The following ZNF519 variants were observed in gnomAD, a reference collection of about 807,000 sequenced individuals.
ZNF519 encodes similar to Zinc finger protein 85 (Zinc finger protein HPF4) (HTF1).
ZNF519 carries 7 observed loss-of-function variants against 7.4 expected under a neutral mutation model. The ratio of observed to expected loss-of-function variants is 0.94; its 90% CI spans 0.54 to 1.77. The LOEUF (loss-of-function observed/expected upper bound fraction) is 1.77, where lower values mean the gene tolerates loss of function less well. Among genes scored for constraint, ZNF519 ranks in the 40% most tolerant of loss-of-function variants. The probability of loss-of-function intolerance (pLI) is 0.00; values close to 1 mark genes in which losing one functional copy is unlikely to be tolerated. For missense variants in ZNF519, 586 were observed against 623.1 expected, an observed-to-expected ratio of 0.94 and a Z score of 0.63; for synonymous variants, 179 against 203.3, an observed-to-expected ratio of 0.88 and a Z score of 1.02.
intron 2 of ZNF519, among the ~76,000 whole-genome samples, chr18:14,118,225 A>AT (rs554341530): frequency 4.6e-5 from 7 of 151,602 alleles, no homozygotes; most frequent in South Asian, 4.2e-4. Context: ...CGCCCAGCTA[A>AT]TTTTTTTTAT....
chr18:14,077,976 AT>A (rs2046054873), intron 4 of ZNF519, among the ~76,000 whole-genome samples: 1 of 152,070 alleles, frequency 6.6e-6, no homozygotes, highest in Admixed American at 6.5e-5. Context: ...TGGGAAGACA[AT>A]TTTTCCATGG....
chr18:14,078,392 A>T (rs1198852857), intron 3 of ZNF519: 2 of 152,174 alleles, frequency 1.3e-5, no homozygotes, highest in Admixed American at 6.5e-5. Context: ...TACATATTTT[A>T]TCAATTTACT....
chr18:14,086,652 T>G (rs1306010645), intron 2 of ZNF519, among the ~76,000 whole-genome samples: 1 of 152,144 alleles, frequency 6.6e-6, no homozygotes, highest in Non-Finnish European at 1.5e-5. Context: ...CTGGAGCTGT[T>G]CCGGCCCCAG....
At chr18:14,092,297 G>C (rs996012823) in intron 2 of ZNF519, among the ~76,000 whole-genome samples, 4 of 152,120 alleles carry the variant, frequency 2.6e-5, no homozygotes, top group African/African-American at 9.7e-5. Context: ...TCCTTCATTG[G>C]AACACGAAGA....
chr18:14,095,433 T>C (rs1175208468), downstream of ZNF519, among the ~76,000 whole-genome samples: 1 of 152,220 alleles, frequency 6.6e-6, no homozygotes, highest in East Asian at 1.9e-4. Flanking sequence ...TTGTGGCCGC[T>C]GCAGTCATTG....
intron 2 of ZNF519, among the ~76,000 whole-genome samples, chr18:14,122,847 G>A (rs566319146): frequency 1.3e-5 from 2 of 151,196 alleles, no homozygotes; most frequent in African/African-American, 2.4e-5. Context: ...TGTTACATAC[G>A]TATACATGTG....
At chr18:14,094,414 A>C (rs1410403415) in intron 2 of ZNF519, among the ~76,000 whole-genome samples, 1 of 152,192 alleles carries the variant, frequency 6.6e-6, no homozygotes, top group African/African-American at 2.4e-5. Context: ...ATTAGCATTG[A>C]GTGCTACATA....
chr18:14,088,216 C>T (rs967990130), intron 2 of ZNF519, among the ~76,000 whole-genome samples: 18 of 152,188 alleles, frequency 1.2e-4, no homozygotes, highest in South Asian at 2.1e-4. Flanking sequence ...AGTATCAAGA[C>T]ATTTGAATCT....
At chr18:14,124,591 T>C in intron 1 of ZNF519, 115 bp from the exon 2 acceptor site, 1 of 1,280,732 alleles carries the variant, frequency 7.8e-7, no homozygotes, top group Non-Finnish European at 1.1e-6. Flanking sequence ...AAATAACTTT[T>C]AACACAGTAA....
downstream of ZNF519, chr18:14,075,105 G>A (rs1380951959): frequency 1.3e-5 from 2 of 152,120 alleles, no homozygotes; most frequent in African/African-American, 2.4e-5. Flanking sequence ...CAGGTCTCAT[G>A]AGACTCATTC....
At chr18:14,084,220 C>T (rs1033840398) in intron 3 of ZNF519, 1 of 152,242 alleles carries the variant, frequency 6.6e-6, no homozygotes, top group African/African-American at 2.4e-5. Flanking sequence ...AGTTCTGACT[C>T]TTCTTTCTTC....
intron 3 of ZNF519, among the ~76,000 whole-genome samples, chr18:14,083,218 T>C (rs2046076944): frequency 6.6e-6 from 1 of 152,050 alleles, no homozygotes; most frequent in Non-Finnish European, 1.5e-5. Flanking sequence ...GGCGTGGTGA[T>C]GTGCACCAGT....
At chr18:14,076,255 T>A (rs1026477798) in exon 5 of ZNF519, 1 of 152,216 alleles carries the variant, frequency 6.6e-6, no homozygotes, top group Admixed American at 6.5e-5. Context: ...TTATAAAATA[T>A]GATTGTGGTA....
At chr18:14,125,324 G>A (rs1195063983) in intron 1 of ZNF519, among the ~76,000 whole-genome samples, 1 of 152,198 alleles carries the variant, frequency 6.6e-6, no homozygotes, top group Non-Finnish European at 1.5e-5. Flanking sequence ...AAGCATTAAT[G>A]CAATGTTTAT....
At position 14,104,940 on chromosome 18, in the gene ZNF519, G is replaced by A; in HGVS notation, c.1600C>T (p.His534Tyr). Residue 534 changes from histidine to tyrosine, a missense_variant, in exon 3 of 3, where the codon CAT (histidine) becomes TAT (tyrosine). Transcript: ENST00000590202. ...TTCTACCTGGTATGAATTATTTGATGTTGAGTAAGGGTTGAGCGTCTGTTA... is the reference window on the plus strand; with the variant it reads ...TTCTACCTGGTATGAATTATTTGATATTGAGTAAGGGTTGAGCGTCTGTTA... The part of the protein sequence containing the change: ...AFNRRSTLTQ[H>Y]QIIHTR 6.4e-7 allele frequency: 1 copy of A among 1,558,734 alleles called. No individual in the cohort carries two copies.
At chr18:14,085,041 C>T (rs2046084706) in exon 3 of ZNF519, 1 of 151,988 alleles carries the variant, frequency 6.6e-6, no homozygotes, top group Non-Finnish European at 1.5e-5. Context: ...CTGACAATGT[C>T]CATAGCAAAT....
Position 14,105,047 on chromosome 18 carries a change from G to GT in ZNF519, c.1492dup (p.Thr498AsnfsTer22). 2 of 1,571,762 alleles carry GT rather than the reference G, an allele frequency of 1.3e-6. No homozygotes were observed. The highest frequency in any genetic ancestry group is 1.7e-6 in the Non-Finnish European group (2 of 1,157,152). ...ATGTTGAGTAAGGTGTGAGCTCCTGGTAAAAGCTTTGCCACATTCTTTACA... is the reference window on the plus strand; with the variant it reads ...ATGTTGAGTAAGGTGTGAGCTCCTGGTTAAAAGCTTTGCCACATTCTTTACA... On this transcript the variant is annotated frameshift_variant, in exon 3 of 3. Coordinates refer to ENST00000590202, the MANE Select transcript of ZNF519 (RefSeq NM_145287.4). LOFTEE classifies it low-confidence loss of function (END_TRUNC).
In ZNF519 at chr18:14,124,525, G is replaced by T. The variant is rs1030651189; in HGVS notation, c.4-49C>A. The stretch of plus-strand genomic sequence containing the variant: ...CAGAGCTCTTAATTTGACTAGAGAT[G>T]AAATGAGTTAAAATAACTAGTTCTG... On this transcript the variant is annotated intron_variant, in intron 1 of 2. Coordinates refer to ENST00000590202, the MANE Select transcript of ZNF519 (RefSeq NM_145287.4). The T allele has an allele frequency of 3.8e-6, 6 of 1,587,252 alleles. No homozygotes were observed. In the African/African-American group the frequency reaches 8.2e-5, roughly 22 times the overall value.
chr18:14,112,406 A>G (rs1476904836), intron 2 of ZNF519, among the ~76,000 whole-genome samples: 1 of 152,218 alleles, frequency 6.6e-6, no homozygotes, highest in East Asian at 1.9e-4. Flanking sequence ...AGAACATGAC[A>G]AGGATGCACA....
Sources: gnomAD v4.1 joint callset for allele counts (sites outside exome capture counted in the v4.1 genomes callset) on GRCh38, gnomAD v4.1.1 for gene constraint, MANE v1.5 for transcripts, NCBI Gene and HGNC (gene_info 2026-07-23, HGNC 2026-07-21) for gene names.